The following MGAT4C variants were observed in gnomAD, a reference collection of about 807,000 sequenced individuals.
The protein encoded by MGAT4C is MGAT4 family member C, also known as alpha-1,3-mannosyl-glycoprotein 4-beta-N-acetylglucosaminyltransferase C.
MGAT4C carries 19 observed loss-of-function variants against 40.1 expected under a neutral mutation model. The ratio of observed to expected loss-of-function variants is 0.47; its 90% CI spans 0.33 to 0.70. The LOEUF (loss-of-function observed/expected upper bound fraction) is 0.70, where lower values mean the gene tolerates loss of function less well. Ranked by LOEUF, MGAT4C falls within the 30% of genes least tolerant of loss-of-function variation. The probability of loss-of-function intolerance (pLI) is 0.02; values close to 1 mark genes in which losing one functional copy is unlikely to be tolerated. For missense variants in MGAT4C, 491 were observed against 563.2 expected (o/e 0.87, Z 1.30); for synonymous variants, 181 against 187.1 (o/e 0.97, Z 0.27).
intron 2 of MGAT4C, among the ~76,000 whole-genome samples, chr12:86,579,790 T>G (rs374873096): frequency 6.6e-6 from 1 of 151,674 alleles, no homozygotes; most frequent in Non-Finnish European, 1.5e-5. Context: ...TTCTCTTTCA[T>G]GTTTGAAGAA....
intron 4 of MGAT4C, among the ~76,000 whole-genome samples, chr12:86,322,841 T>C (rs1196631054): frequency 6.6e-6 from 1 of 152,090 alleles, no homozygotes; most frequent in East Asian, 1.9e-4. Flanking sequence ...TAGATTTGGA[T>C]TGTGAAAATA....
rs772640433 is a variant in MGAT4C at position 86,302,033 on chromosome 12, A to G, written c.-57+32032T>C. Among the ~76,000 whole-genome samples the G allele has an allele frequency of 2.7e-4, 40 of 149,200 alleles. 1 individual carries two copies. Among genetic ancestry groups the G allele is most frequent in the Middle Eastern group, 3.2e-3 (1 of 312 alleles). ...TTTCATTAATCTATTTTAATTACTT[A>G]TGAAACTCTAGAATAAATCTATTTT... On this transcript the variant is annotated intron_variant, in intron 4 of 7. Coordinates refer to the MGAT4C transcript ENST00000548651.
At chr12:86,271,265 A>G (rs1168450852) in intron 4 of MGAT4C, among the ~76,000 whole-genome samples, 1 of 152,190 alleles carries the variant, frequency 6.6e-6, no homozygotes, top group Non-Finnish European at 1.5e-5. Flanking sequence ...TATCCACCCA[A>G]CAGGGGCCTA....
At chr12:86,164,386 T>C (rs1885953817) in intron 1 of MGAT4C, among the ~76,000 whole-genome samples, 1 of 152,202 alleles carries the variant, frequency 6.6e-6, no homozygotes, top group Admixed American at 6.5e-5. Flanking sequence ...TTTTACTATT[T>C]AATCATACAT....
intron 1 of MGAT4C, among the ~76,000 whole-genome samples, chr12:86,739,133 C>CAAAAAAAAAAAAAAAA (rs59869666): frequency 3.5e-4 from 14 of 39,786 alleles, no homozygotes; most frequent in Non-Finnish European, 5.0e-4. Flanking sequence ...TTTCCCTGTG[C>CAAAAAAAAAAAAAAAA]AAAAAAAAAA....
chr12:86,203,911 C>T (rs1352866597), intron 1 of MGAT4C, among the ~76,000 whole-genome samples: 2 of 148,456 alleles, frequency 1.3e-5, no homozygotes, highest in African/African-American at 5.0e-5. Context: ...GAGCGGAGAT[C>T]GCGCCATTGC....
intron 2 of MGAT4C, among the ~76,000 whole-genome samples, chr12:86,487,937 A>C (rs910453589): frequency 2.0e-5 from 3 of 152,184 alleles, no homozygotes; most frequent in African/African-American, 7.2e-5. Flanking sequence ...TTGAATGTGG[A>C]ATGTTATTTG....
At position 85,983,787 on chromosome 12, in the gene MGAT4C, A is replaced by G. The variant is rs897092135; in HGVS notation, c.148-117T>C. On this transcript the variant is annotated intron_variant, in intron 3 of 4. Coordinates refer to ENST00000611864, the MANE Select transcript of MGAT4C (RefSeq NM_001351288.2). ...TACAATATATAGTATGCAGGGTTAT[A>G]TAAATCTCAACTACTGACGTCATAA... 9.7e-5 allele frequency: 77 copies of G among 793,908 alleles called. 1 individual carries two copies. The highest frequency in any genetic ancestry group is 4.0e-4 in the Middle Eastern group (1 of 2,530). 49.2% of individuals were successfully genotyped at this position (793,908 alleles called of 1,614,324 possible). A position where few individuals can be genotyped will look rare whatever the true frequency, so the allele number is the denominator to read the frequency against.
intron 3 of MGAT4C, among the ~76,000 whole-genome samples, chr12:85,987,956 T>C (rs1885439444): frequency 6.6e-6 from 1 of 152,216 alleles, no homozygotes; most frequent in Admixed American, 6.5e-5. Context: ...AGAGAATCTC[T>C]AGTTAACTTA....
At chr12:86,663,353 CAA>C (rs58562873) in intron 2 of MGAT4C, among the ~76,000 whole-genome samples, 36 of 44,776 alleles carry the variant, frequency 8.0e-4, no homozygotes, top group African/African-American at 1.6e-3. Flanking sequence ...TCCTCTGTCT[CAA>C]AAAAAAAAAA....
At chr12:86,573,609 T>C (rs1342374337) in intron 2 of MGAT4C, among the ~76,000 whole-genome samples, 1 of 151,980 alleles carries the variant, frequency 6.6e-6, no homozygotes, top group African/African-American at 2.4e-5. Flanking sequence ...TATGGCTCCA[T>C]GAGGGCAACA....
At chr12:86,714,466 G>C (rs934153345) in intron 2 of MGAT4C, among the ~76,000 whole-genome samples, 6 of 152,050 alleles carry the variant, frequency 3.9e-5, no homozygotes, top group Non-Finnish European at 8.8e-5. Flanking sequence ...GACCCGGTGG[G>C]AGATAATTGA....
chr12:86,347,469 A>C (rs952270505), intron 3 of MGAT4C, among the ~76,000 whole-genome samples: 1 of 152,182 alleles, frequency 6.6e-6, no homozygotes, highest in Non-Finnish European at 1.5e-5. Flanking sequence ...TTTCAGTTCT[A>C]TGCTTAATTA....
At chr12:86,805,325 T>C (rs2136208919) in intron 1 of MGAT4C, among the ~76,000 whole-genome samples, 1 of 151,996 alleles carries the variant, frequency 6.6e-6, no homozygotes, top group Middle Eastern at 3.4e-3. Context: ...ACCCAGGTAC[T>C]GAGCATAGTA....
At chr12:86,121,821 C>G (rs917837581) in intron 1 of MGAT4C, among the ~76,000 whole-genome samples, 9 of 152,212 alleles carry the variant, frequency 5.9e-5, no homozygotes, top group Non-Finnish European at 1.3e-4. Context: ...TTTTTAACCC[C>G]CTGCATACAT....
At chr12:86,190,346 T>C (rs1889243579) in intron 1 of MGAT4C, among the ~76,000 whole-genome samples, 3 of 152,154 alleles carry the variant, frequency 2.0e-5, no homozygotes, top group Admixed American at 2.0e-4. Context: ...AATTCAACTT[T>C]TCCAGGTTTT....
At chr12:86,771,566 G>C (rs1436234755) in intron 1 of MGAT4C, among the ~76,000 whole-genome samples, 1 of 152,028 alleles carries the variant, frequency 6.6e-6, no homozygotes, top group Non-Finnish European at 1.5e-5. Flanking sequence ...ATGTAAGTAA[G>C]GATGGGCATG....
chr12:86,035,192 T>G (rs2136918181), intron 2 of MGAT4C, among the ~76,000 whole-genome samples: 1 of 150,254 alleles, frequency 6.7e-6, no homozygotes, highest in Admixed American at 6.7e-5. Context: ...CTACCAGCAG[T>G]GTAAAAGCAT....
intron 3 of MGAT4C, among the ~76,000 whole-genome samples, chr12:86,338,741 C>T (rs903947377): frequency 1.3e-5 from 2 of 151,936 alleles, no homozygotes; most frequent in Admixed American, 6.6e-5. Context: ...AGCTGGATCG[C>T]TTGAGGTTAG....
Sources: allele counts gnomAD v4.1 joint callset (sites outside exome capture counted in the v4.1 genomes callset), GRCh38; gene constraint gnomAD v4.1.1; transcripts MANE v1.5; gene names NCBI Gene and HGNC (gene_info 2026-07-23, HGNC 2026-07-21).